The following ACO1 variants were observed in gnomAD, a reference collection of about 807,000 sequenced individuals.
The protein encoded by ACO1 is aconitase 1, also known as cytoplasmic aconitate hydratase.
Under a neutral mutation model 105.1 loss-of-function variants are expected in ACO1, and 78 were observed. The observed-to-expected ratio is 0.74, with a 90% CI of 0.62 to 0.90. The LOEUF (loss-of-function observed/expected upper bound fraction) is 0.90, where lower values mean the gene tolerates loss of function less well. Ranked by LOEUF, ACO1 falls within the 40% of genes least tolerant of loss-of-function variation. The probability of loss-of-function intolerance (pLI) is 0.00; values close to 1 mark genes in which losing one functional copy is unlikely to be tolerated. For synonymous variants in ACO1, 364 were observed against 397.4 expected, an observed-to-expected ratio of 0.92 and a Z score of 1.00; for missense variants, 965 against 1,111.1, an observed-to-expected ratio of 0.87 and a Z score of 1.87.
chr9:32,387,878 C>A (rs1382678411), intron 1 of ACO1, among the ~76,000 whole-genome samples: 2 of 152,154 alleles, frequency 1.3e-5, no homozygotes, highest in Non-Finnish European at 1.5e-5. Flanking sequence ...GAACAAGAAC[C>A]ATGTTTCAAA....
rs376224592 is a variant in ACO1, at chr9:32,405,497, A to G, written c.-10A>G. The G allele has an allele frequency of 6.2e-7, 1 of 1,603,576 alleles. No homozygotes were observed. Among genetic ancestry groups the G allele is most frequent in the Non-Finnish European group, 8.5e-7 (1 of 1,170,788 alleles). On this transcript the variant is annotated 5_prime_UTR_variant, in exon 2 of 21. Coordinates refer to ENST00000309951, the MANE Select transcript of ACO1 (RefSeq NM_002197.3). ...CTTTTCTTTTCAGGAACACGTGGCC[A>G]TCAGTAATCATGAGCAACCCATTCG... is the stretch of plus-strand genomic sequence containing the variant.
chr9:32,388,157 G>A (rs1293329263), intron 1 of ACO1, among the ~76,000 whole-genome samples: 1 of 152,176 alleles, frequency 6.6e-6, no homozygotes, highest in Admixed American at 6.5e-5. Flanking sequence ...AACCCGTTGT[G>A]TGAATTTTGC....
Position 32,450,136 on chromosome 9 carries a change from C to T in ACO1, c.*25C>T. 1 of 1,588,582 alleles carries T rather than the reference C, an allele frequency of 6.3e-7. No individual in the cohort carries two copies. Among genetic ancestry groups the T allele is most frequent in the Non-Finnish European group, 8.6e-7 (1 of 1,158,290 alleles). On this transcript the variant is annotated 3_prime_UTR_variant, in exon 21 of 21. Transcript: ENST00000309951. The stretch of plus-strand genomic sequence containing the variant: ...GGAGACGTGCACTTGGTGCTGCGCC[C>T]AGGGAGGAAGCCGCACCACCAGCCA...
chr9:32,401,605 G>C (rs1377460278), intron 1 of ACO1, among the ~76,000 whole-genome samples: 1 of 152,198 alleles, frequency 6.6e-6, no homozygotes, highest in Non-Finnish European at 1.5e-5. Context: ...TTAGTGCCAT[G>C]CTATGTATGC....
chr9:32,443,807 TTTTG>T (rs1215654627), intron 19 of ACO1, among the ~76,000 whole-genome samples: 7 of 152,238 alleles, frequency 4.6e-5, no homozygotes, highest in African/African-American at 1.7e-4. Flanking sequence ...ATGCAAACAT[TTTTG>T]TTTATTTGTA....
chr9:32,449,868 C>T, intron 20 of ACO1, 130 bp from the exon 21 acceptor site: 1 of 677,374 alleles, frequency 1.5e-6, no homozygotes. Flanking sequence ...AGCAGCCTTG[C>T]ATGTCCTCAT....
intron 15 of ACO1, among the ~76,000 whole-genome samples, chr9:32,433,280 C>T (rs1048736033): frequency 6.6e-6 from 1 of 152,186 alleles, no homozygotes; most frequent in African/African-American, 2.4e-5. Context: ...GTCACCCAGG[C>T]TGGAGTGCAG....
At chr9:32,424,118 G>A (rs894798857) in intron 9 of ACO1, among the ~76,000 whole-genome samples, 12 of 152,262 alleles carry the variant, frequency 7.9e-5, no homozygotes, top group South Asian at 6.2e-4. Context: ...ACTAAGGCCC[G>A]TTTCCTGGTG....
rs941091936 is a variant in ACO1 at position 32,384,750 on chromosome 9, G to A, written c.-23+15G>A. On this transcript the variant is annotated intron_variant, in intron 1 of 20. Coordinates refer to ENST00000309951, the MANE Select transcript of ACO1 (RefSeq NM_002197.3). ...TGCAGTCGGAGGTGAGTACCGACGC[G>A]GCCCGACCCACGTCCCCAGGCGGGA... 2.6e-6 allele frequency: 1 copy of A among 384,132 alleles called. No homozygotes were observed. The highest frequency in any genetic ancestry group is 5.3e-6 in the Non-Finnish European group (1 of 189,182). The allele number at this position is 384,132 out of a possible 1,614,324, so 23.8% of individuals were successfully genotyped here.
At chr9:32,387,715 C>G (rs1195474459) in intron 1 of ACO1, among the ~76,000 whole-genome samples, 2 of 152,186 alleles carry the variant, frequency 1.3e-5, no homozygotes, top group Admixed American at 1.3e-4. Flanking sequence ...TATGGTTATA[C>G]AGTTTCTATT....
At chr9:32,387,502 G>C (rs1397249100) in intron 1 of ACO1, among the ~76,000 whole-genome samples, 1 of 152,074 alleles carries the variant, frequency 6.6e-6, no homozygotes, top group Non-Finnish European at 1.5e-5. Context: ...GCTATTGTCT[G>C]AGCCAAGGTG....
rs1201770674 is a variant in ACO1 at position 32,451,211 on chromosome 9, C to G, written c.*1100C>G. On this transcript the variant is annotated 3_prime_UTR_variant, in exon 21 of 21. Transcript: ENST00000309951. Reference sequence around the variant, plus strand: ...TAATGCCATAGACTGGCTGAAAGAACAGAAATGTATTTTCTCACAGTTATG... The same window carrying G: ...TAATGCCATAGACTGGCTGAAAGAAGAGAAATGTATTTTCTCACAGTTATG... 4 of 152,146 alleles carry G rather than the reference C, an allele frequency of 2.6e-5. No individual in the cohort carries two copies. The highest frequency in any genetic ancestry group is 4.8e-5 in the African/African-American group (2 of 41,434). The allele number at this position is 152,146 out of a possible 1,614,324, so 9.4% of individuals were successfully genotyped here.
rs1822425079 is a variant in ACO1, at chr9:32,439,126, G to A, written c.2248-1339G>A. Among the ~76,000 whole-genome samples, 1 of 152,188 alleles carries A rather than the reference G, an allele frequency of 6.6e-6. No homozygotes were observed. Among genetic ancestry groups the A allele is most frequent in the Non-Finnish European group, 1.5e-5 (1 of 68,026 alleles). On this transcript the variant is annotated intron_variant, in intron 18 of 20. Coordinates refer to ENST00000309951, the MANE Select transcript of ACO1 (RefSeq NM_002197.3). This position sits in a 1 kb window ranked among gnomAD's most constrained non-coding sequence, Gnocchi z 4.0. ...TAGTCCCTCTGATCTTGGGTAACAT[G>A]ACGTGCTTTGCCATGAGATTGTCAA...
At chr9:32,444,510 C>A (rs559259384) in intron 19 of ACO1, among the ~76,000 whole-genome samples, 1 of 152,148 alleles carries the variant, frequency 6.6e-6, no homozygotes, top group Non-Finnish European at 1.5e-5. Context: ...TTTTAATGAT[C>A]GCCATTCTAA....
chr9:32,410,722 G>A (rs1457438917), intron 4 of ACO1, among the ~76,000 whole-genome samples: 7 of 151,406 alleles, frequency 4.6e-5, no homozygotes, highest in African/African-American at 9.7e-5. Context: ...AGCCAAAACC[G>A]TGAAGATTTC....
chr9:32,435,345 G>T (rs570595395), intron 17 of ACO1, among the ~76,000 whole-genome samples: 3 of 152,186 alleles, frequency 2.0e-5, no homozygotes, highest in East Asian at 3.9e-4. Flanking sequence ...TCTATTGATT[G>T]TTGAGCCCTT....
In ACO1 at chr9:32,427,540, T is replaced by C. The variant is rs546078770; in HGVS notation, c.1484+104T>C. 107 of 1,469,636 alleles carry C rather than the reference T, an allele frequency of 7.3e-5. No homozygotes were observed. In the African/African-American group the frequency reaches 1.4e-3, roughly 19 times the overall value. 91.0% of individuals were successfully genotyped at this position (1,469,636 alleles called of 1,614,324 possible). ...AGATGTGAGATTATCTGATGATATC[T>C]AATTGCATAGTCGTTTATCAGTTGG... On this transcript the variant is annotated intron_variant, in intron 12 of 20. Transcript: ENST00000309951.
intron 16 of ACO1, 48 bp downstream of exon 16, chr9:32,433,880 T>C (rs752797129): frequency 2.1e-6 from 3 of 1,410,268 alleles, no homozygotes; most frequent in Non-Finnish European, 2.9e-6. Flanking sequence ...AAGGGTTTCT[T>C]TCCTAATAAT....
intron 13 of ACO1, among the ~76,000 whole-genome samples, chr9:32,429,759 G>T (rs569780374): frequency 6.6e-6 from 1 of 152,174 alleles, no homozygotes; most frequent in Non-Finnish European, 1.5e-5. Flanking sequence ...TTAAGATGAT[G>T]ATAAACATAA....
Sources: allele counts gnomAD v4.1 joint callset (sites outside exome capture counted in the v4.1 genomes callset), GRCh38; gene constraint gnomAD v4.1.1; non-coding constraint Gnocchi (gnomAD v3.1); transcripts MANE v1.5; gene names NCBI Gene and HGNC (gene_info 2026-07-23, HGNC 2026-07-21).